Variants in PPIG observed in about 807,000 individuals in gnomAD.
The protein encoded by PPIG is peptidylprolyl isomerase G.
Under a neutral mutation model 87.9 loss-of-function variants are expected in PPIG, and 26 were observed. The ratio of observed to expected loss-of-function variants is 0.30; its 90% confidence interval spans 0.22 to 0.41. The LOEUF (loss-of-function observed/expected upper bound fraction) is 0.41, where lower values mean the gene tolerates loss of function less well. Among genes scored for constraint, PPIG ranks in the 10% least tolerant of loss-of-function variants. The pLI is 1.00. For synonymous variants in PPIG, 308 were observed against 276.5 expected (o/e 1.11, Z -1.13); for missense variants, 722 against 879.4 (o/e 0.82, Z 2.26).
chr2:169,632,026 C>G (rs964140829), intron 11 of PPIG, 93 bp downstream of exon 11: 128 of 1,310,854 alleles, frequency 9.8e-5, no homozygotes, highest in Non-Finnish European at 1.2e-4. Context: ...TAATTGGTGA[C>G]CTTGTCCCAA....
rs564223845 is a variant in PPIG, at chr2:169,639,315, T to C, written c.*1792T>C. 6.6e-6 allele frequency: 1 copy of C among 152,186 alleles called. No individual in the cohort carries two copies. Among genetic ancestry groups the C allele is most frequent in the Admixed American group, 6.5e-5 (1 of 15,274 alleles). The allele number at this position is 152,186 out of a possible 1,614,324, so 9.4% of individuals were successfully genotyped here. The stretch of plus-strand genomic sequence containing the variant: ...GTTATGTAGTTTAAGCAAGTTATTG[T>C]TTGTCTTAATTTCAGTTAACTGCAT... On this transcript the variant is annotated 3_prime_UTR_variant, in exon 14 of 14. Transcript: ENST00000260970.
chr2:169,630,049 C>G (rs1685995096), intron 9 of PPIG, among the ~76,000 whole-genome samples: 1 of 152,062 alleles, frequency 6.6e-6, no homozygotes, highest in Middle Eastern at 3.2e-3. Flanking sequence ...ATGGGTCAAG[C>G]TCCTCCCAAT....
At chr2:169,614,809 C>T (rs1050596774) in intron 9 of PPIG, 85 bp downstream of exon 9, 7 of 1,384,776 alleles carry the variant, frequency 5.1e-6, no homozygotes, top group African/African-American at 2.9e-5. Context: ...GAAATTCATA[C>T]TCAAGCTGAA....
intron 9 of PPIG, among the ~76,000 whole-genome samples, chr2:169,623,385 A>G (rs1456323767): frequency 6.6e-6 from 1 of 152,198 alleles, no homozygotes. Context: ...GATCTTGGCA[A>G]TGACCTTGAG....
intron 10 of PPIG, chr2:169,631,455 C>A: frequency 1.7e-6 from 1 of 591,074 alleles, no homozygotes. Context: ...CAGTTAATTT[C>A]TTTACCCATG....
intron 9 of PPIG, among the ~76,000 whole-genome samples, chr2:169,619,652 G>A (rs1054213315): frequency 2.0e-5 from 3 of 151,874 alleles, no homozygotes; most frequent in Admixed American, 6.6e-5. Context: ...GATTTTTTGA[G>A]GAGACTTCAT....
chr2:169,608,587 T>G (rs1685398819), intron 6 of PPIG, 84 bp from the exon 7 acceptor site: 2 of 735,476 alleles, frequency 2.7e-6, no homozygotes, highest in South Asian at 1.7e-5. Context: ...CACTAAATAA[T>G]ACATCAGATA....
In PPIG at chr2:169,636,868, A is replaced by G; in HGVS notation, c.1610A>G (p.Glu537Gly). 1.9e-6 allele frequency: 3 copies of G among 1,613,914 alleles called. No homozygotes were observed. Among genetic ancestry groups the G allele is most frequent in the Non-Finnish European group, 2.5e-6 (3 of 1,179,982 alleles). Reference sequence around the variant, plus strand: ...GAGCATGATCACAGTAAAAGTAAGGAAAAGGATAGACGCGCACAATCCAGG... The same window carrying G: ...GAGCATGATCACAGTAAAAGTAAGGGAAAGGATAGACGCGCACAATCCAGG... ...SNEHDHSKSK[E>G]KDRRAQSRSR... The change falls in exon 14 of 14, where the codon GAA becomes GGA. Residue 537 changes from glutamate (E) to glycine (G), a missense_variant. Transcript: ENST00000260970.
At position 169,636,109 on chromosome 2, in the gene PPIG, C is replaced by T; in HGVS notation, c.1035C>T (p.Ser345=). ...GRGPRRYRTP[S]RSRSRDRFRR... ...TTCTTTAGCGTTATCGAACTCCTTC[C>T]AGATCCAGATCAAGGGATCGTTTCA... The change falls in exon 13 of 14, where the codon TCC becomes TCT. Residue 345 remains serine, a synonymous_variant. Transcript: ENST00000260970. The T allele has an allele frequency of 6.2e-7, 1 of 1,602,378 alleles. No homozygotes were observed. Among genetic ancestry groups the T allele is most frequent in the Non-Finnish European group, 8.5e-7 (1 of 1,175,902 alleles).
At chr2:169,612,024 A>G (rs1685502894) in intron 7 of PPIG, among the ~76,000 whole-genome samples, 1 of 152,078 alleles carries the variant, frequency 6.6e-6, no homozygotes, top group Non-Finnish European at 1.5e-5. Context: ...TGCCCAAGCT[A>G]GAGTGCAGTG....
intron 1 of PPIG, among the ~76,000 whole-genome samples, chr2:169,590,288 C>G (rs1253708576): frequency 6.6e-6 from 1 of 152,054 alleles, no homozygotes; most frequent in Non-Finnish European, 1.5e-5. Context: ...ACAAAGGTTT[C>G]GAATTGTTGG....
Position 169,636,591 on chromosome 2 carries a change from G to T in PPIG, c.1333G>T (p.Asp445Tyr). 6.3e-7 allele frequency: 1 copy of T among 1,597,492 alleles called. No homozygotes were observed. Among genetic ancestry groups the T allele is most frequent in the Non-Finnish European group, 8.5e-7 (1 of 1,176,030 alleles). The change falls in exon 14 of 14, where the codon GAT becomes TAT. Residue 445 changes from aspartate to tyrosine, a missense_variant. By Grantham distance (160) the Asp-to-Tyr change is radical (BLOSUM62 -3). Coordinates refer to ENST00000260970, the MANE Select transcript of PPIG (RefSeq NM_004792.3). ...ERDIRRNSEKDDKYKNKVKKR... is the reference protein window; with the variant it reads ...ERDIRRNSEKYDKYKNKVKKR... ...AGACATCAGAAGAAATTCAGAAAAA[G>T]ATGACAAGTATAAAAACAAAGTGAA...
At chr2:169,605,392 A>G (rs1165799446) in intron 4 of PPIG, among the ~76,000 whole-genome samples, 2 of 151,990 alleles carry the variant, frequency 1.3e-5, no homozygotes, top group African/African-American at 2.4e-5. Flanking sequence ...AGTCCCAGCT[A>G]CTCTGGAGGA....
At chr2:169,584,563 C>T (rs1212225555) in intron 1 of PPIG, 73 bp downstream of exon 1, 2 of 458,654 alleles carry the variant, frequency 4.4e-6, no homozygotes, top group Non-Finnish European at 8.9e-6. Flanking sequence ...GCGGGAAGGG[C>T]CTGGGAAGAG....
intron 9 of PPIG, among the ~76,000 whole-genome samples, chr2:169,616,190 A>G (rs559754410): frequency 5.9e-4 from 90 of 152,178 alleles, no homozygotes; most frequent in African/African-American, 2.0e-3. Flanking sequence ...ATCCTTTTTT[A>G]TGGCTGCATA....
At chr2:169,585,352 C>G (rs927850174) in intron 1 of PPIG, among the ~76,000 whole-genome samples, 2 of 148,302 alleles carry the variant, frequency 1.3e-5, no homozygotes, top group Admixed American at 1.4e-4. Context: ...ACCTCCGCCT[C>G]CTGGGTTCAA....
chr2:169,588,978 A>C (rs937237623), intron 1 of PPIG, among the ~76,000 whole-genome samples: 1 of 149,530 alleles, frequency 6.7e-6, no homozygotes, highest in Non-Finnish European at 1.5e-5. Context: ...AAAAAAAAAA[A>C]AAAAACCTTA....
intron 9 of PPIG, among the ~76,000 whole-genome samples, chr2:169,619,763 T>A (rs983665048): frequency 6.6e-6 from 1 of 151,984 alleles, no homozygotes; most frequent in Non-Finnish European, 1.5e-5. Context: ...TTTTTTTTTA[T>A]AATAGCCATT....
chr2:169,599,466 A>T (rs1284736637), intron 1 of PPIG, among the ~76,000 whole-genome samples: 1 of 151,512 alleles, frequency 6.6e-6, no homozygotes, highest in Non-Finnish European at 1.5e-5. Context: ...ACTGTTATTT[A>T]AAAAAAAACC....
Sources: gnomAD v4.1 joint callset for allele counts (sites outside exome capture counted in the v4.1 genomes callset) on GRCh38, gnomAD v4.1.1 for gene constraint, MANE v1.5 for transcripts, NCBI Gene and HGNC (gene_info 2026-07-23, HGNC 2026-07-21) for gene names.